Variants in KCNJ4 observed in about 807,000 individuals in gnomAD.
KCNJ4 encodes the protein inward rectifier potassium channel 4.
Under a neutral mutation model 25.6 loss-of-function variants are expected in KCNJ4, and 3 were observed. The ratio of observed to expected loss-of-function variants is 0.12; its 90% CI spans 0.05 to 0.30. The LOEUF (loss-of-function observed/expected upper bound fraction) is 0.30, where lower values mean the gene tolerates loss of function less well. Ranked by LOEUF, KCNJ4 falls within the 10% of genes least tolerant of loss-of-function variation. KCNJ4 has a pLI of 1.00. For synonymous variants in KCNJ4, 257 were observed against 283.9 expected, an observed-to-expected ratio of 0.91 and a Z score of 0.95; for missense variants, 286 against 666.8, an observed-to-expected ratio of 0.43 and a Z score of 6.29.
At chr22:38,445,736 C>T (rs1003204271) in intron 1 of KCNJ4, among the ~76,000 whole-genome samples, 5 of 152,158 alleles carry the variant, frequency 3.3e-5, no homozygotes, top group Admixed American at 3.3e-4. Flanking sequence ...ATTTCATTTT[C>T]GGAAAACAAG....
intron 1 of KCNJ4, among the ~76,000 whole-genome samples, chr22:38,435,261 A>G (rs972085771): frequency 1.3e-5 from 2 of 152,154 alleles, no homozygotes; most frequent in Non-Finnish European, 2.9e-5. Context: ...CTGGGCCTAG[A>G]TGGGGAGGCT....
At position 38,427,719 on chromosome 22, in the gene KCNJ4, C is replaced by T. The variant is rs1370583595; in HGVS notation, c.414G>A (p.Gly138=). The T allele has an allele frequency of 1.2e-6, 2 of 1,611,182 alleles. No individual in the cohort carries two copies. The highest frequency in any genetic ancestry group is 8.5e-7 in the Non-Finnish European group (1 of 1,179,956). The change falls in exon 2 of 2, where the codon GGG becomes GGA. Residue 138 remains glycine, a synonymous_variant. Transcript: ENST00000303592. ...GGCACTCCTCTGTCACGCACCGGAA[C>T]CCATAGCCGATGGTCGTCTGCGTCT... ...SVETQTTIGY[G]FRCVTEECPL... is the part of the protein sequence containing the mutation.
chr22:38,454,374 T>C (rs2089426437), intron 1 of KCNJ4, among the ~76,000 whole-genome samples: 1 of 151,846 alleles, frequency 6.6e-6, no homozygotes, highest in South Asian at 2.1e-4. Flanking sequence ...GGAGGCTCAT[T>C]GAGACCTCTC....
Position 38,427,995 on chromosome 22 carries a change from G to A in KCNJ4, c.138C>T (p.Ile46=), listed in dbSNP as rs754742512. ...SNKSQRYMAD[I]FTTCVDTRWR... ...AGCGCGTGTCCACGCAGGTGGTGAAGATGTCCGCCATGTAGCGCTGCGACT... is the reference window on the plus strand; with the variant it reads ...AGCGCGTGTCCACGCAGGTGGTGAAAATGTCCGCCATGTAGCGCTGCGACT... The change falls in exon 2 of 2, where the codon ATC becomes ATT. Residue 46 remains isoleucine (I), a synonymous_variant. Transcript: ENST00000303592. 6.2e-7 allele frequency: 1 copy of A among 1,614,106 alleles called. No individual in the cohort carries two copies. The highest frequency in any genetic ancestry group is 1.1e-5 in the South Asian group (1 of 91,096).
chr22:38,427,605 C>T lies in KCNJ4; in HGVS notation c.528G>A (p.Ala176=), dbSNP rs750811490. Reference sequence around the variant, plus strand: ...ACGTCTGCGCCCGCTTCTTGGGCCGCGCCATCTTGGCCATGATGGTGCCAA... The same window carrying T: ...ACGTCTGCGCCCGCTTCTTGGGCCGTGCCATCTTGGCCATGATGGTGCCAA... ...FMIGTIMAKM[A]RPKKRAQTLL... The change falls in exon 2 of 2, where the codon GCG becomes GCA. Residue 176 remains alanine, a synonymous_variant. Coordinates refer to ENST00000303592, the MANE Select transcript of KCNJ4 (RefSeq NM_152868.3). 11 of 1,612,556 alleles carry T rather than the reference C, an allele frequency of 6.8e-6. No homozygotes were observed. Among genetic ancestry groups the T allele is most frequent in the South Asian group, 2.2e-5 (2 of 91,074 alleles).
intron 1 of KCNJ4, among the ~76,000 whole-genome samples, chr22:38,428,486 C>T (rs1021821275): frequency 3.3e-5 from 5 of 152,310 alleles, no homozygotes; most frequent in Admixed American, 2.6e-4. Context: ...CTGGAAGCTT[C>T]CTGATGCCCA....
In KCNJ4 at chr22:38,428,058, G is replaced by A. The variant is rs769047759; in HGVS notation, c.75C>T (p.Asn25=). ...TGGCGAAGTACACGTTGCATTGGCC[G>A]TTCTTCTTGACGAAGCGGTTGCGGC... ...RKRRNRFVKK[N]GQCNVYFANL... is the part of the protein sequence containing the mutation. The change falls in exon 2 of 2, where the codon AAC becomes AAT. Residue 25 remains asparagine, a synonymous_variant. Transcript: ENST00000303592. 46 of 1,614,006 alleles carry A rather than the reference G, an allele frequency of 2.9e-5. No homozygotes were observed. The highest frequency in any genetic ancestry group is 6.7e-5 in the African/African-American group (5 of 74,950).
At chr22:38,447,694 C>A (rs1224189987) in intron 1 of KCNJ4, among the ~76,000 whole-genome samples, 1 of 152,126 alleles carries the variant, frequency 6.6e-6, no homozygotes, top group Non-Finnish European at 1.5e-5. Context: ...CACACCCCTC[C>A]CCTAGGCCTG....
intron 1 of KCNJ4, among the ~76,000 whole-genome samples, chr22:38,447,989 G>A (rs1375667297): frequency 6.6e-6 from 1 of 151,628 alleles, no homozygotes; most frequent in Non-Finnish European, 1.5e-5. Flanking sequence ...ACTTGAATCT[G>A]GGAGGGGGAG....
chr22:38,454,403 T>C (rs2089426604), intron 1 of KCNJ4, among the ~76,000 whole-genome samples: 1 of 152,012 alleles, frequency 6.6e-6, no homozygotes, highest in Non-Finnish European at 1.5e-5. Flanking sequence ...GGGTGCTCCC[T>C]ACACACGGAG....
chr22:38,445,147 A>C (rs1253780848), intron 1 of KCNJ4, among the ~76,000 whole-genome samples: 1 of 152,012 alleles, frequency 6.6e-6, no homozygotes, highest in Non-Finnish European at 1.5e-5. Flanking sequence ...ACAAGGACAG[A>C]GCAGGGCTGG....
intron 1 of KCNJ4, among the ~76,000 whole-genome samples, chr22:38,431,741 G>C (rs958093834): frequency 2.0e-5 from 3 of 152,206 alleles, no homozygotes; most frequent in African/African-American, 7.2e-5. Flanking sequence ...GGAGAGAGAG[G>C]TTCAGCTGCT....
At position 38,432,109 on chromosome 22, in the gene KCNJ4, A is replaced by C. The variant is rs543561559; in HGVS notation, c.-39-3938T>G. Among the ~76,000 whole-genome samples, 7 of 152,038 alleles carry C rather than the reference A, an allele frequency of 4.6e-5. No homozygotes were observed. The East Asian group carries it at 7.7e-4, about 17-fold the overall frequency. ...TCTCTACTAAAAATTCAAAAAAATTAGCTGGGCATGGTGGCGGGCGCCTGT... is the reference window on the plus strand; with the variant it reads ...TCTCTACTAAAAATTCAAAAAAATTCGCTGGGCATGGTGGCGGGCGCCTGT... On this transcript the variant is annotated intron_variant, in intron 1 of 1. Coordinates refer to ENST00000303592, the MANE Select transcript of KCNJ4 (RefSeq NM_152868.3).
intron 1 of KCNJ4, among the ~76,000 whole-genome samples, chr22:38,430,341 G>C (rs1329369855): frequency 6.6e-6 from 1 of 152,094 alleles, no homozygotes; most frequent in African/African-American, 2.4e-5. Flanking sequence ...CGTCTCTACT[G>C]AAAATACAAA....
intron 1 of KCNJ4, among the ~76,000 whole-genome samples, chr22:38,441,597 C>T (rs1366899724): frequency 1.3e-5 from 2 of 152,122 alleles, no homozygotes; most frequent in Admixed American, 1.3e-4. Flanking sequence ...CTCACTCACA[C>T]ACAGGATTTC....
chr22:38,433,448 A>G (rs1240440850), intron 1 of KCNJ4, among the ~76,000 whole-genome samples: 1 of 152,236 alleles, frequency 6.6e-6, no homozygotes, highest in Non-Finnish European at 1.5e-5. Flanking sequence ...CTCCGTCTCA[A>G]AAAATAAATA....
At chr22:38,429,698 A>G (rs2093043707) in intron 1 of KCNJ4, among the ~76,000 whole-genome samples, 1 of 152,156 alleles carries the variant, frequency 6.6e-6, no homozygotes, top group Non-Finnish European at 1.5e-5. Flanking sequence ...TCGGGCCCGT[A>G]GAGGACAGAC....
intron 1 of KCNJ4, among the ~76,000 whole-genome samples, chr22:38,453,171 G>A (rs908999153): frequency 6.6e-6 from 1 of 152,104 alleles, no homozygotes; most frequent in African/African-American, 2.4e-5. Flanking sequence ...TTTCGCAAAT[G>A]TCTACGAACC....
At chr22:38,429,678 G>A (rs1013141058) in intron 1 of KCNJ4, among the ~76,000 whole-genome samples, 2 of 152,150 alleles carry the variant, frequency 1.3e-5, no homozygotes, top group African/African-American at 2.4e-5. Context: ...ACTGGGTGGC[G>A]GGATGCGCCT....
Sources: gnomAD v4.1 joint callset for allele counts (sites outside exome capture counted in the v4.1 genomes callset) on GRCh38, gnomAD v4.1.1 for gene constraint, MANE v1.5 for transcripts, NCBI Gene and HGNC (gene_info 2026-07-23, HGNC 2026-07-21) for gene names.